Variants in SORCS1 observed in about 807,000 individuals in gnomAD.
The protein encoded by SORCS1 is sortilin related VPS10 domain containing receptor 1, also known as VPS10 domain-containing receptor SorCS1.
Under a neutral mutation model 146.1 loss-of-function variants are expected in SORCS1, and 60 were observed. The ratio of observed to expected loss-of-function variants is 0.41; its 90% CI spans 0.33 to 0.51. SORCS1 has a LOEUF of 0.51. SORCS1 is among the 20% of genes least tolerant of loss of function. The probability of loss-of-function intolerance (pLI) is 0.21; values close to 1 mark genes in which losing one functional copy is unlikely to be tolerated. For missense variants in SORCS1, 1,352 were observed against 1,487.6 expected, an observed-to-expected ratio of 0.91 and a Z score of 1.50; for synonymous variants, 637 against 584.0, an observed-to-expected ratio of 1.09 and a Z score of -1.31.
At position 107,164,086 on chromosome 10, in the gene SORCS1, C is replaced by T. The variant is rs1054401425; in HGVS notation, c.441G>A (p.Pro147=). ...QQEPGTRERD[P]DKATRFRMEE... ...CCATCCGGAAGCGGGTGGCTTTGTC[C>T]GGGTCCCGCTCCCGAGTCCCAGGCT... Residue 147 remains proline, a synonymous_variant, in exon 1 of 26, where the codon CCG becomes CCA. Coordinates refer to ENST00000263054, the MANE Select transcript of SORCS1 (RefSeq NM_052918.5). This position sits in a 1 kb window ranked among gnomAD's most constrained non-coding sequence, Gnocchi z 6.8. The T allele has an allele frequency of 1.3e-5, 21 of 1,613,626 alleles. No homozygotes were observed. Among genetic ancestry groups the T allele is most frequent in the Admixed American group, 8.3e-5 (5 of 60,002 alleles).
intron 1 of SORCS1, among the ~76,000 whole-genome samples, chr10:107,068,913 T>G (rs1962169656): frequency 6.6e-6 from 1 of 151,824 alleles, no homozygotes; most frequent in Non-Finnish European, 1.5e-5. Flanking sequence ...CTTTTTTTTC[T>G]TGGGGTGGAG....
At chr10:107,161,199 T>C (rs1969677576) in intron 1 of SORCS1, among the ~76,000 whole-genome samples, 1 of 152,180 alleles carries the variant, frequency 6.6e-6, no homozygotes, top group South Asian at 2.1e-4. Context: ...CCTCACCAGA[T>C]TGACAAGCAG....
chr10:107,043,248 A>G (rs1959185132), intron 1 of SORCS1, among the ~76,000 whole-genome samples: 1 of 152,212 alleles, frequency 6.6e-6, no homozygotes, highest in Admixed American at 6.5e-5. Flanking sequence ...ATCTAAGGAA[A>G]AAGTAAACCC....
intron 1 of SORCS1, among the ~76,000 whole-genome samples, chr10:107,038,378 C>T (rs1429208891): frequency 9.3e-5 from 9 of 96,814 alleles, no homozygotes; most frequent in Admixed American, 1.6e-4. Context: ...TAAAATCAGA[C>T]AGAGGACTGT....
rs201597068 is a variant in SORCS1 at position 107,123,538 on chromosome 10, T to A, written c.558+40431A>T. On this transcript the variant is annotated intron_variant, in intron 1 of 25. Transcript: ENST00000263054. ...ATAAATAGAATGTATCATAAGTTAA[T>A]GCTGCAAATATAAACAAGAAACTGA... Among the ~76,000 whole-genome samples, 47 of 152,322 alleles carry A rather than the reference T, an allele frequency of 3.1e-4. No individual in the cohort carries two copies. In the East Asian group the frequency reaches 8.3e-3, roughly 27 times the overall value.
intron 2 of SORCS1, among the ~76,000 whole-genome samples, chr10:106,901,016 T>C (rs1008705500): frequency 2.0e-5 from 3 of 152,216 alleles, no homozygotes; most frequent in African/African-American, 7.2e-5. Flanking sequence ...GCATCATTAA[T>C]GAAAATGCTC....
chr10:106,579,978 C>CT (rs1844807533), intron 24 of SORCS1, among the ~76,000 whole-genome samples: 1 of 151,710 alleles, frequency 6.6e-6, no homozygotes, highest in Non-Finnish European at 1.5e-5. Flanking sequence ...TTATTATACT[C>CT]TGAGTGTAAG....
At chr10:106,789,585 A>G (rs565368444) in intron 3 of SORCS1, among the ~76,000 whole-genome samples, 2 of 152,260 alleles carry the variant, frequency 1.3e-5, no homozygotes, top group East Asian at 1.9e-4. Flanking sequence ...CAAATTCCTC[A>G]TCTCTATCTG....
chr10:106,806,504 C>CCTTT (rs576286357), intron 3 of SORCS1, among the ~76,000 whole-genome samples: 5,168 of 92,850 alleles, frequency 0.056, 1,358 homozygotes, highest in African/African-American at 0.098. Context: ...AGAGAGGAAG[C>CCTTT]CTTTTTTTTT....
intron 1 of SORCS1, among the ~76,000 whole-genome samples, chr10:106,975,608 G>T (rs1955958901): frequency 6.6e-6 from 1 of 152,210 alleles, no homozygotes; most frequent in African/African-American, 2.4e-5. Flanking sequence ...TACAGTCTAG[G>T]TAGAATCTGA....
chr10:106,940,837 T>C (rs1419149270), intron 2 of SORCS1, among the ~76,000 whole-genome samples: 1 of 152,208 alleles, frequency 6.6e-6, no homozygotes. Context: ...TGAGCCTAAG[T>C]TGTGCCATTG....
intron 1 of SORCS1, among the ~76,000 whole-genome samples, chr10:106,958,448 A>G (rs1407640211): frequency 7.2e-5 from 11 of 152,224 alleles, no homozygotes. Context: ...CCACTCTACT[A>G]GCACAGCGTT....
intron 2 of SORCS1, among the ~76,000 whole-genome samples, chr10:106,891,880 T>A (rs1160364008): frequency 6.6e-6 from 1 of 152,148 alleles, no homozygotes; most frequent in Non-Finnish European, 1.5e-5. Flanking sequence ...ACTTAAGAAA[T>A]GTACTGTTCT....
intron 2 of SORCS1, among the ~76,000 whole-genome samples, chr10:106,884,331 A>G (rs1005164611): frequency 3.3e-5 from 5 of 152,348 alleles, no homozygotes; most frequent in Non-Finnish European, 7.3e-5. Context: ...TATCTAAGCT[A>G]TAACCACCTT....
chr10:106,886,664 C>T (rs1951016212), intron 2 of SORCS1, among the ~76,000 whole-genome samples: 2 of 152,208 alleles, frequency 1.3e-5, no homozygotes, highest in East Asian at 1.9e-4. Flanking sequence ...AGGTATCATT[C>T]ATTAGAAGTA....
At chr10:106,850,038 G>T (rs988143525) in intron 2 of SORCS1, among the ~76,000 whole-genome samples, 8 of 152,140 alleles carry the variant, frequency 5.3e-5, no homozygotes, top group Non-Finnish European at 7.3e-5. Flanking sequence ...GCTGTCTTTT[G>T]GTTTGTCTGT....
intron 1 of SORCS1, among the ~76,000 whole-genome samples, chr10:106,966,240 T>C (rs1288219148): frequency 6.6e-6 from 1 of 151,588 alleles, no homozygotes; most frequent in Non-Finnish European, 1.5e-5. Flanking sequence ...CAGAGGAGAG[T>C]TGAAAGGGTG....
chr10:106,858,004 T>C (rs1231712909), intron 2 of SORCS1, among the ~76,000 whole-genome samples: 2 of 152,340 alleles, frequency 1.3e-5, no homozygotes, highest in East Asian at 3.9e-4. Context: ...TATGGTGCAT[T>C]CTGAGCTGAA....
intron 1 of SORCS1, among the ~76,000 whole-genome samples, chr10:107,112,095 G>A (rs868649131): frequency 1.7e-4 from 26 of 151,776 alleles, no homozygotes; most frequent in Admixed American, 1.3e-3. Flanking sequence ...AGTCAAATTC[G>A]GAATATCCTA....
Sources: gnomAD v4.1 joint callset for allele counts (sites outside exome capture counted in the v4.1 genomes callset) on GRCh38, gnomAD v4.1.1 for gene constraint, Gnocchi (gnomAD v3.1) non-coding constraint, MANE v1.5 for transcripts, NCBI Gene and HGNC (gene_info 2026-07-23, HGNC 2026-07-21) for gene names.